NDUFAF6: variants seen among roughly 807,000 people sequenced by gnomAD.
NDUFAF6 encodes NADH:ubiquinone oxidoreductase complex assembly factor 6.
NDUFAF6 carries 45 observed loss-of-function variants against 40.8 expected under a neutral mutation model. That is an observed-to-expected ratio of 1.10 (90% CI 0.87 to 1.42). NDUFAF6 has a LOEUF of 1.42. Ranked by LOEUF, NDUFAF6 falls within the 40% of genes most tolerant of loss-of-function variation. NDUFAF6 has a pLI of 0.00. For synonymous variants in NDUFAF6, 185 were observed against 155.9 expected, an observed-to-expected ratio of 1.19 and a Z score of -1.39; for missense variants, 435 against 418.5, an observed-to-expected ratio of 1.04 and a Z score of -0.34.
At chr8:95,056,824 T>C (rs1009981746) in intron 8 of NDUFAF6, among the ~76,000 whole-genome samples, 2 of 151,322 alleles carry the variant, frequency 1.3e-5, no homozygotes, top group African/African-American at 4.9e-5. Flanking sequence ...AAGAATCGTT[T>C]GAACCCAGGA....
At chr8:95,035,675 A>G (rs1829422538) in intron 3 of NDUFAF6, 99 bp downstream of exon 3, 11 of 1,184,714 alleles carry the variant, frequency 9.3e-6, no homozygotes, top group Non-Finnish European at 1.1e-5. Context: ...AGTGGAATCT[A>G]TTCTGAAAAT....
At chr8:95,078,250 G>C (rs1378388849), downstream of NDUFAF6, among the ~76,000 whole-genome samples, 2 of 152,140 alleles carry the variant, frequency 1.3e-5, no homozygotes, top group Non-Finnish European at 2.9e-5. Context: ...CATGCATTGA[G>C]TGTGGAGAAC....
At chr8:95,032,204 G>T (rs945969884) in intron 2 of NDUFAF6, 110 bp downstream of exon 2, 2 of 908,698 alleles carry the variant, frequency 2.2e-6, no homozygotes, top group African/African-American at 1.6e-5. Context: ...TGTGTTTAAG[G>T]TCTCTGCTAG....
At chr8:95,023,178 C>A (rs887320268), upstream of NDUFAF6, 12 of 152,150 alleles carry the variant, frequency 7.9e-5, no homozygotes, top group Non-Finnish European at 1.5e-5. Context: ...AGTGAAGCAA[C>A]TTTCCCAGAA....
intron 1 of NDUFAF6, among the ~76,000 whole-genome samples, chr8:94,904,760 T>G (rs1361933578): frequency 6.6e-6 from 1 of 152,116 alleles, no homozygotes; most frequent in African/African-American, 2.4e-5. Flanking sequence ...CAGGCTCCTT[T>G]TTCATGCCCT....
chr8:95,111,931 C>T (rs561544131), intron 4 of NDUFAF6, among the ~76,000 whole-genome samples: 1 of 152,172 alleles, frequency 6.6e-6, no homozygotes, highest in South Asian at 2.1e-4. Context: ...GCCTTTTGTC[C>T]CTGCTTCCAG....
chr8:94,896,781 A>T (rs886478816), intron 1 of NDUFAF6: 6 of 151,922 alleles, frequency 3.9e-5, no homozygotes, highest in Admixed American at 3.9e-4. Flanking sequence ...AGGCCCGGGA[A>T]ATAGCCGCCG....
At chr8:94,966,584 A>G (rs1374015871) in intron 1 of NDUFAF6, among the ~76,000 whole-genome samples, 4 of 152,140 alleles carry the variant, frequency 2.6e-5, no homozygotes, top group Admixed American at 6.6e-5. Flanking sequence ...ACAGAGTGAG[A>G]CCTTGTCTCT....
chr8:95,004,165 T>A (rs956270428), intron 2 of NDUFAF6, among the ~76,000 whole-genome samples: 3 of 152,072 alleles, frequency 2.0e-5, no homozygotes, highest in African/African-American at 7.2e-5. Context: ...CAGAGGAGGA[T>A]GCCAGCTGAT....
chr8:95,063,800 G>A (rs527754648), intron 9 of NDUFAF6, among the ~76,000 whole-genome samples: 1 of 151,804 alleles, frequency 6.6e-6, no homozygotes, highest in Admixed American at 6.6e-5. Context: ...TTTTATGGGT[G>A]TCACAAGGAT....
At chr8:94,943,935 A>G (rs1821773203) in intron 1 of NDUFAF6, among the ~76,000 whole-genome samples, 1 of 152,228 alleles carries the variant, frequency 6.6e-6, no homozygotes, top group Admixed American at 6.5e-5. Context: ...AAGAACAATC[A>G]GAAGAAAAGT....
chr8:95,040,645 A>C (rs2131845826), intron 3 of NDUFAF6: 1 of 152,160 alleles, frequency 6.6e-6, no homozygotes, highest in African/African-American at 2.4e-5. Context: ...ATTGGTGTAG[A>C]CTCATGATTT....
At chr8:95,089,808 T>C (rs1430220128) in intron 2 of NDUFAF6, among the ~76,000 whole-genome samples, 1 of 152,206 alleles carries the variant, frequency 6.6e-6, no homozygotes, top group Non-Finnish European at 1.5e-5. Flanking sequence ...ACTAACTTTA[T>C]CTTATGTGCT....
intron 1 of NDUFAF6, among the ~76,000 whole-genome samples, chr8:94,912,378 C>T (rs991345359): frequency 6.6e-6 from 1 of 152,180 alleles, no homozygotes; most frequent in Non-Finnish European, 1.5e-5. Context: ...TGTATGTATA[C>T]AAAACCACAC....
At position 95,048,445 on chromosome 8, in the gene NDUFAF6, T is replaced by A. The variant is rs768522029; in HGVS notation, c.715-12T>A. On this transcript the variant is annotated splice_polypyrimidine_tract_variant and intron_variant, in intron 6 of 8. Coordinates refer to ENST00000396124, the MANE Select transcript of NDUFAF6 (RefSeq NM_152416.4). ...TTTAGGTTCCTAATATAATGTATAT[T>A]TCCCCACACAGCATGGTGTTTCACA... The A allele has an allele frequency of 6.3e-7, 1 of 1,592,838 alleles. No individual in the cohort carries two copies. The highest frequency in any genetic ancestry group is 8.6e-7 in the Non-Finnish European group (1 of 1,160,620).
intron 1 of NDUFAF6, among the ~76,000 whole-genome samples, chr8:94,901,513 C>A (rs1212442486): frequency 6.6e-6 from 1 of 151,658 alleles, no homozygotes; most frequent in Non-Finnish European, 1.5e-5. Context: ...CTCAGAGGAA[C>A]AGCTATGGCA....
chr8:95,108,531 C>T lies in NDUFAF6; in HGVS notation n.344+5520C>T, dbSNP rs1295412801. Among the ~76,000 whole-genome samples, 3 of 152,090 alleles carry T rather than the reference C, an allele frequency of 2.0e-5. No individual in the cohort carries two copies. In the East Asian group the frequency reaches 5.8e-4, roughly 29 times the overall value. On this transcript the variant is annotated intron_variant and non_coding_transcript_variant, in intron 4 of 5. Coordinates refer to the NDUFAF6 transcript ENST00000523184. The stretch of plus-strand genomic sequence containing the variant: ...AAATACCTAGAGACAAAAAGTAGAA[C>T]AGTGCTTACCAGGGCCTGGGGGAAG...
intron 1 of NDUFAF6, among the ~76,000 whole-genome samples, chr8:94,923,485 C>T (rs957076751): frequency 1.3e-5 from 2 of 152,156 alleles, no homozygotes; most frequent in Admixed American, 6.5e-5. Flanking sequence ...ATGTTGCTCT[C>T]TTCTCATCCC....
chr8:95,074,416 G>A (rs1249344127), intron 9 of NDUFAF6, among the ~76,000 whole-genome samples: 2 of 113,802 alleles, frequency 1.8e-5, no homozygotes, highest in African/African-American at 7.7e-5. Flanking sequence ...GGCCAGGGAA[G>A]TGTTTGACCT....
Sources: gnomAD v4.1 joint callset for allele counts (sites outside exome capture counted in the v4.1 genomes callset) on GRCh38, gnomAD v4.1.1 for gene constraint, MANE v1.5 for transcripts, NCBI Gene and HGNC (gene_info 2026-07-23, HGNC 2026-07-21) for gene names.